The following NHSL2 variants were observed in gnomAD, a reference collection of about 807,000 sequenced individuals.
NHSL2 encodes NHS-like protein 2.
Under a neutral mutation model 53.4 loss-of-function variants are expected in NHSL2, and 27 were observed. The observed-to-expected ratio is 0.51, with a 90% CI of 0.37 to 0.70. The LOEUF (loss-of-function observed/expected upper bound fraction) is 0.70. NHSL2 is among the 30% of genes least tolerant of loss of function. The pLI is 0.00. For missense variants in NHSL2, 892 were observed against 980.1 expected, an observed-to-expected ratio of 0.91 and a Z score of 1.20; for synonymous variants, 408 against 404.1, an observed-to-expected ratio of 1.01 and a Z score of -0.12.
At chrX:72,045,031 A>G in intron 1 of NHSL2, 2 of 476,796 alleles carry the variant, frequency 4.2e-6, no homozygotes, top group Admixed American at 3.4e-5. Flanking sequence ...ATAGCATGCT[A>G]GAAGCCCCCA....
At chrX:72,069,789 T>G in intron 1 of NHSL2, 1 of 780,857 alleles carries the variant, frequency 1.3e-6, no homozygotes, top group Non-Finnish European at 1.6e-6. Context: ...CCGGGGCTCC[T>G]ACAGCCAGGG....
intron 1 of NHSL2, among the ~76,000 whole-genome samples, chrX:72,057,942 A>G: frequency 8.9e-6 from 1 of 112,490 alleles, no homozygotes; most frequent in South Asian, 3.7e-4. Flanking sequence ...AGAAATGGCA[A>G]TTTTTATTAA....
intron 1 of NHSL2, among the ~76,000 whole-genome samples, chrX:71,982,512 A>G (rs1401393107): frequency 8.9e-6 from 1 of 112,278 alleles, no homozygotes; most frequent in Non-Finnish European, 1.9e-5. Context: ...GGGACTGGTC[A>G]CTGGAAAGAC....
chrX:71,911,978 G>A (rs1182955012), intron 1 of NHSL2, among the ~76,000 whole-genome samples: 2 of 112,183 alleles, frequency 1.8e-5, no homozygotes, highest in African/African-American at 6.5e-5. Flanking sequence ...CCGCTGTGCT[G>A]GGGAGTGGCC....
intron 1 of NHSL2, among the ~76,000 whole-genome samples, chrX:72,021,663 CAG>C (rs902973182): frequency 2.7e-5 from 3 of 111,664 alleles, no homozygotes; most frequent in Non-Finnish European, 5.7e-5. Flanking sequence ...TCATCTTACT[CAG>C]GGGGAAGATG....
Position 72,106,952 on chromosome X carries a change from C to T in NHSL2, c.281-25127C>T, listed in dbSNP as rs779589501. On this transcript the variant is annotated intron_variant, in intron 1 of 7. Coordinates refer to ENST00000633930, the MANE Select transcript of NHSL2 (RefSeq NM_001013627.3). ...CACAGGAAGGGGGAACATCACACAC[C>T]GGGGCTTGTCGGGGGGTGGGGGCTG... is the stretch of plus-strand genomic sequence containing the variant. 1.3e-3 allele frequency among the ~76,000 whole-genome samples: 68 copies of T among 51,911 alleles called. 1 individual carries two copies. Among genetic ancestry groups the T allele is most frequent in the African/African-American group, 5.1e-3 (64 of 12,553 alleles). 45.1% of individuals were successfully genotyped at this position (51,911 alleles called of 115,157 possible).
intron 1 of NHSL2, among the ~76,000 whole-genome samples, chrX:72,054,205 C>T (rs1285089760): frequency 9.0e-6 from 1 of 111,646 alleles, no homozygotes; most frequent in African/African-American, 3.3e-5. Flanking sequence ...GGAAGTAGAG[C>T]CTTCCTGCTT....
chrX:71,934,995 G>T (rs1440761741), intron 1 of NHSL2, among the ~76,000 whole-genome samples: 2 of 111,017 alleles, frequency 1.8e-5, no homozygotes, highest in African/African-American at 6.6e-5. Context: ...AATATAACTG[G>T]CAGGACCGTT....
In NHSL2 at chrX:72,152,923, C is replaced by T. The variant is rs1279762536; in HGVS notation, c.*9349C>T. On this transcript the variant is annotated 3_prime_UTR_variant, in exon 8 of 8. Transcript: ENST00000633930. ...GAGGTGGACTTTTGTTAAGTTAGCCCTTACCATTTAGTGCTTACTGAATGC... is the reference window on the plus strand; with the variant it reads ...GAGGTGGACTTTTGTTAAGTTAGCCTTTACCATTTAGTGCTTACTGAATGC... 2 of 112,216 alleles carry T rather than the reference C, an allele frequency of 1.8e-5. No individual in the cohort carries two copies. Among genetic ancestry groups the T allele is most frequent in the African/African-American group, 6.5e-5 (2 of 30,840 alleles). The allele number at this position is 112,216 out of a possible 1,213,427, so 9.2% of individuals were successfully genotyped here.
chrX:72,059,840 C>A (rs1226548817), intron 1 of NHSL2, among the ~76,000 whole-genome samples: 2 of 112,095 alleles, frequency 1.8e-5, no homozygotes, highest in Non-Finnish European at 3.8e-5. Flanking sequence ...TTGCTCTATG[C>A]ACTTTCTATG....
intron 1 of NHSL2, among the ~76,000 whole-genome samples, chrX:72,085,621 T>A (rs1038471570): frequency 8.9e-6 from 1 of 111,930 alleles, no homozygotes; most frequent in Non-Finnish European, 1.9e-5. Context: ...AGCAAAACTT[T>A]CTTGGTTTGA....
intron 1 of NHSL2, among the ~76,000 whole-genome samples, chrX:72,040,982 G>T (rs1481457465): frequency 8.9e-6 from 1 of 112,209 alleles, no homozygotes; most frequent in Non-Finnish European, 1.9e-5. Context: ...ATAATGCAGT[G>T]GATAAATGAT....
chrX:71,967,042 G>A (rs1439840882), intron 1 of NHSL2, among the ~76,000 whole-genome samples: 1 of 111,779 alleles, frequency 8.9e-6, no homozygotes, highest in East Asian at 2.8e-4. Context: ...TCAAGGAATT[G>A]GTTCATTTCA....
At chrX:72,115,566 G>C (rs1190861137) in intron 1 of NHSL2, among the ~76,000 whole-genome samples, 2 of 110,933 alleles carry the variant, frequency 1.8e-5, no homozygotes, top group Non-Finnish European at 3.8e-5. Flanking sequence ...ATTCAGCAGC[G>C]GCCAGGGCAG....
At chrX:72,115,229 A>T (rs1005476176) in intron 1 of NHSL2, among the ~76,000 whole-genome samples, 2 of 110,490 alleles carry the variant, frequency 1.8e-5, no homozygotes, top group African/African-American at 6.6e-5. Context: ...CTCCTCGTTA[A>T]CACTGAACCA....
At chrX:72,091,338 C>T (rs7061744) in intron 1 of NHSL2, among the ~76,000 whole-genome samples, 25,676 of 110,155 alleles carry the variant, frequency 0.23, 3,097 homozygotes, top group East Asian at 0.47. Context: ...CCTGTAGTCC[C>T]AGCTACTCAG....
At chrX:72,107,138 A>G (rs1342624731) in intron 1 of NHSL2, among the ~76,000 whole-genome samples, 1 of 110,869 alleles carries the variant, frequency 9.0e-6, no homozygotes, top group Non-Finnish European at 1.9e-5. Context: ...AAAATTTTTT[A>G]AAAGGCCGGG....
intron 1 of NHSL2, among the ~76,000 whole-genome samples, chrX:72,020,737 G>A (rs952708530): frequency 1.3e-4 from 15 of 112,845 alleles, no homozygotes; most frequent in Non-Finnish European, 1.9e-4. Flanking sequence ...CCCCAACACA[G>A]TGGCTCCTTT....
intron 1 of NHSL2, among the ~76,000 whole-genome samples, chrX:71,984,787 C>A (rs148225399): frequency 9.2e-6 from 1 of 109,080 alleles, no homozygotes; most frequent in Non-Finnish European, 1.9e-5. Context: ...TTCACATAAG[C>A]CCTTTTTAAA....
Sources: allele counts gnomAD v4.1 joint callset (sites outside exome capture counted in the v4.1 genomes callset), GRCh38; gene constraint gnomAD v4.1.1; transcripts MANE v1.5; gene names NCBI Gene and HGNC (gene_info 2026-07-23, HGNC 2026-07-21).